Variants in AGGF1 observed in about 807,000 individuals in gnomAD.
AGGF1 encodes angiogenic factor with G-patch and FHA domains 1, also known as angiogenic factor with G patch and FHA domains 1.
AGGF1 carries 56 observed loss-of-function variants against 86.5 expected under a neutral mutation model. The observed-to-expected ratio is 0.65, with a 90% CI of 0.52 to 0.81. The LOEUF (loss-of-function observed/expected upper bound fraction) is 0.81. AGGF1 is among the 30% of genes least tolerant of loss of function. The pLI, the probability that AGGF1 is intolerant of heterozygous loss-of-function variation, is 0.00. For synonymous variants in AGGF1, 313 were observed against 297.1 expected (o/e 1.05, Z -0.55); for missense variants, 816 against 850.9 (o/e 0.96, Z 0.51).
At chr5:77,047,983 C>G (rs1192227563) in intron 6 of AGGF1, among the ~76,000 whole-genome samples, 178 bp from the exon 7 acceptor site, 2 of 152,102 alleles carry the variant, frequency 1.3e-5, no homozygotes, top group South Asian at 2.1e-4. Flanking sequence ...ACTTTAATAA[C>G]AGTGTTAAGC....
At chr5:77,035,515 G>T (rs759612371) in intron 2 of AGGF1, 26 bp from the exon 3 acceptor site, 5 of 1,554,744 alleles carry the variant, frequency 3.2e-6, no homozygotes, top group South Asian at 1.1e-5. Flanking sequence ...AATATGATAC[G>T]ATTTCACTTC....
chr5:77,055,517 G>T lies in AGGF1; in HGVS notation c.1637G>T (p.Gly546Val). The change falls in exon 11 of 14, where the codon GGT becomes GTT. Residue 546 changes from glycine (G) to valine (V), a missense_variant. Physicochemically the swap from Gly to Val is moderately radical, Grantham distance 109 (BLOSUM62 -3). This residue lies in a region of AGGF1 where 565 missense variants were observed against 585.8 expected (regional missense o/e 0.96). Coordinates refer to ENST00000312916, the MANE Select transcript of AGGF1 (RefSeq NM_018046.5). ...AACCAAACTTTTTTTCTTTCAGTTG[G>T]TCCAACACTAAGTAAGGAGGAAAAA... ...RLDKKDESFV[G>V]PTLSKEEKEL... 1 of 1,597,602 alleles carries T rather than the reference G, an allele frequency of 6.3e-7. No homozygotes were observed. The highest frequency in any genetic ancestry group is 8.6e-7 in the Non-Finnish European group (1 of 1,166,558).
chr5:77,031,590 CTG>C (rs200307625), intron 1 of AGGF1, among the ~76,000 whole-genome samples: 1,807 of 152,286 alleles, frequency 0.012, 22 homozygotes, highest in Non-Finnish European at 0.018. Flanking sequence ...AATACTTAAA[CTG>C]TCACATTAAA....
Position 77,035,817 on chromosome 5 carries a change from T to C in AGGF1, c.516+74T>C, listed in dbSNP as rs1380341840. The C allele has an allele frequency of 6.8e-6, 9 of 1,321,570 alleles. No homozygotes were observed. The Admixed American group carries it at 1.2e-4, about 18-fold the overall frequency. The allele number at this position is 1,321,570 out of a possible 1,614,324, so 81.9% of individuals were successfully genotyped here. On this transcript the variant is annotated intron_variant, in intron 3 of 13. Transcript: ENST00000312916. ...TCTTTGTTGTTATTATGTGGAAAGA[T>C]AGACTTCTTTGGTCCGTCACAGCAT...
intron 5 of AGGF1, among the ~76,000 whole-genome samples, chr5:77,041,253 A>C (rs905959751): frequency 6.6e-6 from 1 of 152,026 alleles, no homozygotes; most frequent in Non-Finnish European, 1.5e-5. Context: ...GCTTGTTACT[A>C]GTGGTTTGAT....
chr5:77,046,099 G>C (rs898868727), intron 5 of AGGF1, among the ~76,000 whole-genome samples: 1 of 152,102 alleles, frequency 6.6e-6, no homozygotes, highest in Non-Finnish European at 1.5e-5. Context: ...GTAGCACTTC[G>C]TAATTTTATA....
At chr5:77,041,072 G>A (rs946850314) in intron 5 of AGGF1, among the ~76,000 whole-genome samples, 1 of 152,110 alleles carries the variant, frequency 6.6e-6, no homozygotes, top group Non-Finnish European at 1.5e-5. Flanking sequence ...ATACTAAATT[G>A]TAAAGTTCAC....
chr5:77,038,629 A>AT (rs1304290791), intron 4 of AGGF1, among the ~76,000 whole-genome samples: 4 of 152,192 alleles, frequency 2.6e-5, no homozygotes, highest in Non-Finnish European at 4.4e-5. Context: ...TTTGTAAGAG[A>AT]TCTGCAAAAT....
intron 5 of AGGF1, among the ~76,000 whole-genome samples, chr5:77,042,751 G>T (rs1388254168): frequency 2.4e-5 from 1 of 41,466 alleles, no homozygotes; most frequent in South Asian, 7.0e-4. Flanking sequence ...GCGGCTGGCC[G>T]GGCAGGGGGG....
intron 11 of AGGF1, among the ~76,000 whole-genome samples, chr5:77,056,458 C>G (rs895165689): frequency 6.6e-6 from 1 of 151,654 alleles, no homozygotes; most frequent in African/African-American, 2.4e-5. Flanking sequence ...GAACTCCTGA[C>G]CTCAGGTGAT....
rs1423830420 is a variant in AGGF1, at chr5:77,061,810, T to C, written c.1944+8T>C. The stretch of plus-strand genomic sequence containing the variant: ...GGAGGAATGAAAACGCCGGTAAGAC[T>C]TGGATTTTCTTTTATTCATTTATTC... On this transcript the variant is annotated splice_region_variant and intron_variant, in intron 13 of 13. Transcript: ENST00000312916. The C allele has an allele frequency of 1.2e-6, 2 of 1,604,778 alleles. No individual in the cohort carries two copies. Among genetic ancestry groups the C allele is most frequent in the Non-Finnish European group, 1.7e-6 (2 of 1,171,650 alleles).
rs1747029006 is a variant in AGGF1 at position 77,039,598 on chromosome 5, AT to A, written c.750del (p.Gln251SerfsTer6). 1 of 1,613,132 alleles carries A rather than the reference AT, an allele frequency of 6.2e-7. No individual in the cohort carries two copies. The highest frequency in any genetic ancestry group is 1.1e-5 in the South Asian group (1 of 90,972). On this transcript the variant is annotated frameshift_variant, in exon 5 of 14. Coordinates refer to ENST00000312916, the MANE Select transcript of AGGF1 (RefSeq NM_018046.5). LOFTEE classifies it high-confidence loss of function. ...YYYCDVESGR[Y>X]QFHSRVDLQP... is the part of the protein sequence containing the mutation. ...TATTGTGATGTGGAAAGTGGTCGTT[AT>A]CAGTTTCATTCTCGAGTAGATTTGC... is the stretch of plus-strand genomic sequence containing the variant.
rs535806396 is a variant in AGGF1, at chr5:77,038,386, C to T, written c.682-1145C>T. 3.9e-5 allele frequency among the ~76,000 whole-genome samples: 6 copies of T among 152,244 alleles called. No individual in the cohort carries two copies. In the South Asian group the frequency reaches 1.0e-3, roughly 26 times the overall value. The stretch of plus-strand genomic sequence containing the variant: ...TCAGTTGTTTTGTAAATGGTTAGTA[C>T]GTTCTGCAGGTTATATTTCTGAGTA... On this transcript the variant is annotated intron_variant, in intron 4 of 13. Coordinates refer to ENST00000312916, the MANE Select transcript of AGGF1 (RefSeq NM_018046.5).
chr5:77,057,986 T>C (rs1032175287), intron 11 of AGGF1, among the ~76,000 whole-genome samples: 1 of 152,264 alleles, frequency 6.6e-6, no homozygotes, highest in Middle Eastern at 3.4e-3. Context: ...AGCAAACTAA[T>C]GTATTGTGAC....
intron 7 of AGGF1, 54 bp downstream of exon 7, chr5:77,048,326 A>C: frequency 3.7e-6 from 5 of 1,341,782 alleles, no homozygotes; most frequent in Non-Finnish European, 5.3e-6. Flanking sequence ...GAAAGGCTTT[A>C]TTAAGAGCAT....
At chr5:77,050,543 T>C (rs1014252945) in intron 8 of AGGF1, among the ~76,000 whole-genome samples, 1 of 152,044 alleles carries the variant, frequency 6.6e-6, no homozygotes, top group East Asian at 1.9e-4. Context: ...GTGGATAATT[T>C]GTTGGTGAAG....
intron 8 of AGGF1, 78 bp from the exon 9 acceptor site, chr5:77,052,628 C>A: frequency 1.0e-6 from 1 of 981,822 alleles, no homozygotes; most frequent in Non-Finnish European, 1.6e-6. Context: ...CTCAAGTTAA[C>A]ATCATCATAT....
intron 6 of AGGF1, 59 bp from the exon 7 acceptor site, chr5:77,048,102 C>A: frequency 9.1e-7 from 1 of 1,100,570 alleles, no homozygotes. Flanking sequence ...CTAGTTATCC[C>A]TATGAAGTTC....
intron 12 of AGGF1, among the ~76,000 whole-genome samples, chr5:77,061,136 G>A (rs1747557489): frequency 6.6e-6 from 1 of 152,096 alleles, no homozygotes; most frequent in African/African-American, 2.4e-5. Flanking sequence ...TACATCATAA[G>A]ATTAACATAT....
Sources: gnomAD v4.1 joint callset for allele counts (sites outside exome capture counted in the v4.1 genomes callset) on GRCh38, gnomAD v4.1.1 for gene constraint, gnomAD v4.1.1 regional missense constraint, MANE v1.5 for transcripts, NCBI Gene and HGNC (gene_info 2026-07-23, HGNC 2026-07-21) for gene names.